Variants in PTPN21 observed in about 807,000 individuals in gnomAD.
PTPN21 encodes protein tyrosine phosphatase non-receptor type 21.
In PTPN21, 77 loss-of-function variants were observed where a neutral mutation model predicts 131.8. That is an observed-to-expected ratio of 0.58 (90% confidence interval 0.49 to 0.71). The LOEUF (loss-of-function observed/expected upper bound fraction) is 0.71. PTPN21 is among the 30% of genes least tolerant of loss of function. The probability of loss-of-function intolerance (pLI) is 0.00; values close to 1 mark genes in which losing one functional copy is unlikely to be tolerated. For missense variants in PTPN21, 1,552 were observed against 1,527.1 expected, an observed-to-expected ratio of 1.02 and a Z score of -0.27; for synonymous variants, 715 against 621.3, an observed-to-expected ratio of 1.15 and a Z score of -2.24.
rs1566803689 is a variant in PTPN21, at chr14:88,468,874, C to CTGCCTCCTGGGTTCAGCCTT, written c.3396+41_3396+42insAAGGCTGAACCCAGGAGGCA. 4 of 1,613,016 alleles carry CTGCCTCCTGGGTTCAGCCTT rather than the reference C, an allele frequency of 2.5e-6. No homozygotes were observed. The African/African-American group carries it at 5.3e-5, about 22-fold the overall frequency. On this transcript the variant is annotated intron_variant, in intron 18 of 18. Coordinates refer to ENST00000556564, the MANE Select transcript of PTPN21 (RefSeq NM_007039.4). ...ACTATGTCCCTCTCTTCCCCAGCCT[C>CTGCCTCCTGGGTTCAGCCTT]ATTTCCACCCAAAAAGGCCAGGTGA... is the stretch of plus-strand genomic sequence containing the variant.
chr14:88,524,521 A>G (rs2078445994), intron 2 of PTPN21, among the ~76,000 whole-genome samples: 1 of 152,246 alleles, frequency 6.6e-6, no homozygotes, highest in Admixed American at 6.5e-5. Context: ...ACATTAGGGT[A>G]AATCTCTGTG....
At chr14:88,498,015 C>T (rs554607546) in intron 8 of PTPN21, among the ~76,000 whole-genome samples, 82 of 150,184 alleles carry the variant, frequency 5.5e-4, no homozygotes, top group Non-Finnish European at 8.1e-4. Flanking sequence ...GCAGGAGAAT[C>T]GCTTGAACCC....
chr14:88,505,672 C>CT (rs1449665757), intron 4 of PTPN21, among the ~76,000 whole-genome samples: 1 of 152,128 alleles, frequency 6.6e-6, no homozygotes, highest in Non-Finnish European at 1.5e-5. Context: ...ATCATATATG[C>CT]TTGCTTATGT....
intron 6 of PTPN21, among the ~76,000 whole-genome samples, chr14:88,504,141 T>C (rs1329595163): frequency 6.6e-6 from 1 of 152,158 alleles, no homozygotes; most frequent in Non-Finnish European, 1.5e-5. Context: ...CAGTAAAAAA[T>C]GGGCACCCTT....
At position 88,480,081 on chromosome 14, in the gene PTPN21, G is replaced by C. The variant is rs1252413517; in HGVS notation, c.1350C>G (p.Asp450Glu). 3.7e-6 allele frequency: 6 copies of C among 1,614,064 alleles called. No individual in the cohort carries two copies. The Admixed American group carries it at 1.0e-4, about 27-fold the overall frequency. Residue 450 changes from aspartate to glutamate, a missense_variant, in exon 13 of 19, where the codon GAC becomes GAG. This residue lies in a region of PTPN21 where 1,016 missense variants were observed against 883.5 expected (regional missense o/e 1.15). Transcript: ENST00000556564. Reference protein sequence around the residue: ...VIPPSYRPTPDYETVMKQLNR... With the variant: ...VIPPSYRPTPEYETVMKQLNR... ...TGAGCTGCTTCATCACAGTCTCATAGTCTGGGGTGGGGCGGTAGGACGGGG... is the reference window on the plus strand; with the variant it reads ...TGAGCTGCTTCATCACAGTCTCATACTCTGGGGTGGGGCGGTAGGACGGGG...
intron 12 of PTPN21, among the ~76,000 whole-genome samples, chr14:88,481,005 C>T (rs950928010): frequency 9.2e-5 from 14 of 152,112 alleles, no homozygotes; most frequent in African/African-American, 3.4e-4. Context: ...ATCAGTTTAA[C>T]CTAATCTTAA....
At chr14:88,510,957 G>A (rs1337073549) in intron 3 of PTPN21, among the ~76,000 whole-genome samples, 1 of 150,398 alleles carries the variant, frequency 6.6e-6, no homozygotes, top group African/African-American at 2.5e-5. Flanking sequence ...CTATAGCCCA[G>A]GCTGGAGTGC....
intron 13 of PTPN21, 86 bp from the exon 14 acceptor site, chr14:88,473,888 C>T: frequency 8.3e-7 from 1 of 1,210,890 alleles, no homozygotes; most frequent in Non-Finnish European, 1.2e-6. Flanking sequence ...AGACCAGGAA[C>T]ACACAGAGGG....
Position 88,480,333 on chromosome 14 carries a change from G to T in PTPN21, c.1098C>A (p.Asn366Lys). ...ASSQDNLFVP[N>K]QNGYYCHSQT... ...GAGAGTGACAGTAGTATCCGTTCTG[G>T]TTGGGCACAAAGAGGTTATCTAGAA... Residue 366 changes from asparagine (N) to lysine (K), a missense_variant, in exon 13 of 19, where the codon AAC (asparagine) becomes AAA (lysine). This residue lies in a region of PTPN21 where 1,016 missense variants were observed against 883.5 expected (regional missense o/e 1.15). Coordinates refer to ENST00000556564, the MANE Select transcript of PTPN21 (RefSeq NM_007039.4). 1 of 1,612,460 alleles carries T rather than the reference G, an allele frequency of 6.2e-7. No homozygotes were observed. The highest frequency in any genetic ancestry group is 8.5e-7 in the Non-Finnish European group (1 of 1,178,766).
chr14:88,548,678 T>C (rs543239782), intron 2 of PTPN21, among the ~76,000 whole-genome samples: 2 of 152,270 alleles, frequency 1.3e-5, no homozygotes, highest in Admixed American at 1.3e-4. Context: ...AGGAGCAAAG[T>C]TCATCTATTC....
At chr14:88,494,449 C>T (rs1435980080) in intron 10 of PTPN21, among the ~76,000 whole-genome samples, 1 of 151,958 alleles carries the variant, frequency 6.6e-6, no homozygotes, top group Non-Finnish European at 1.5e-5. Flanking sequence ...AGGAGGATTC[C>T]TAAAGTCCAG....
intron 10 of PTPN21, among the ~76,000 whole-genome samples, chr14:88,486,977 C>CTAAA (rs2077744685): frequency 1.8e-5 from 1 of 54,622 alleles, no homozygotes; most frequent in African/African-American, 5.8e-5. Flanking sequence ...ATTCTAGCCT[C>CTAAA]AAAAAAAAAA....
intron 2 of PTPN21, among the ~76,000 whole-genome samples, chr14:88,519,885 T>C (rs1053647719): frequency 2.0e-5 from 3 of 152,198 alleles, no homozygotes; most frequent in Admixed American, 6.6e-5. Flanking sequence ...AGAGATACCA[T>C]AGATTAAATC....
chr14:88,508,115 G>T, intron 3 of PTPN21, 95 bp from the exon 4 acceptor site: 5 of 595,166 alleles, frequency 8.4e-6, no homozygotes, highest in Non-Finnish European at 1.1e-5. Context: ...GCATAAACCA[G>T]TGAAATAAAA....
At chr14:88,517,668 A>G (rs141805319) in intron 2 of PTPN21, among the ~76,000 whole-genome samples, 10,828 of 145,370 alleles carry the variant, frequency 0.074, 651 homozygotes, top group African/African-American at 0.15. Context: ...ATACACATAC[A>G]CACACATATG....
chr14:88,485,711 T>C (rs1023881605), intron 11 of PTPN21, 71 bp downstream of exon 11: 62 of 1,154,984 alleles, frequency 5.4e-5, no homozygotes, highest in Non-Finnish European at 7.6e-5. Flanking sequence ...ATTAACAGCA[T>C]TGAAAGCATA....
At chr14:88,491,644 A>G (rs145521009) in intron 10 of PTPN21, among the ~76,000 whole-genome samples, 1 of 152,244 alleles carries the variant, frequency 6.6e-6, no homozygotes, top group African/African-American at 2.4e-5. Flanking sequence ...TTAAAAGCTA[A>G]TATTAAAAGC....
intron 7 of PTPN21, 34 bp downstream of exon 7, chr14:88,501,247 C>CT: frequency 1.9e-6 from 3 of 1,547,208 alleles, no homozygotes; most frequent in Non-Finnish European, 2.7e-6. Context: ...GTAAGCCTAA[C>CT]TTTAAAGAGC....
intron 13 of PTPN21, among the ~76,000 whole-genome samples, chr14:88,478,321 C>T (rs577890566): frequency 6.6e-6 from 1 of 152,288 alleles, no homozygotes; most frequent in Admixed American, 6.5e-5. Context: ...CAGCTGAATT[C>T]ATCTTTCTTT....
Sources: gnomAD v4.1 joint callset for allele counts (sites outside exome capture counted in the v4.1 genomes callset) on GRCh38, gnomAD v4.1.1 for gene constraint, gnomAD v4.1.1 regional missense constraint, MANE v1.5 for transcripts, NCBI Gene and HGNC (gene_info 2026-07-23, HGNC 2026-07-21) for gene names.